The following RHPN1 variants were observed in gnomAD, a reference collection of about 807,000 sequenced individuals.
The protein encoded by RHPN1 is rhophilin-1.
Under a neutral mutation model 74.7 loss-of-function variants are expected in RHPN1, and 77 were observed. The observed-to-expected ratio is 1.03, with a 90% CI of 0.86 to 1.25. RHPN1 has a LOEUF of 1.25. Ranked by LOEUF, RHPN1 falls within the 50% of genes most tolerant of loss-of-function variation. The pLI is 0.00. For synonymous variants in RHPN1, 444 were observed against 414.5 expected, an observed-to-expected ratio of 1.07 and a Z score of -0.87; for missense variants, 987 against 932.2, an observed-to-expected ratio of 1.06 and a Z score of -0.77.
At chr8:143,374,945 TGGATAG>T (rs1249501121) in intron 1 of RHPN1, among the ~76,000 whole-genome samples, 2 of 152,188 alleles carry the variant, frequency 1.3e-5, no homozygotes, top group Non-Finnish European at 2.9e-5. Flanking sequence ...CATTTCTCTG[TGGATAG>T]GGAGGGCACG....
At chr8:143,379,533 A>G (rs1818552077) in intron 8 of RHPN1, 25 bp downstream of exon 8, 1 of 1,525,804 alleles carries the variant, frequency 6.6e-7, no homozygotes, top group South Asian at 1.2e-5. Context: ...CCGTGTCAGG[A>G]TGCAGGGGGT....
chr8:143,366,145 T>C (rs968172091), upstream of RHPN1, among the ~76,000 whole-genome samples: 3 of 143,490 alleles, frequency 2.1e-5, no homozygotes, highest in African/African-American at 7.5e-5. Context: ...TTTTTTTTTC[T>C]TTATAAATTA....
intron 1 of RHPN1, 53 bp from the exon 2 acceptor site, chr8:143,375,500 C>A: frequency 7.6e-7 from 1 of 1,320,846 alleles, no homozygotes; most frequent in Non-Finnish European, 1.0e-6. Context: ...CGAGGCGCAG[C>A]CTGGTGCGGG....
At position 143,379,919 on chromosome 8, in the gene RHPN1, G is replaced by A. The variant is rs1373665466; in HGVS notation, c.1036G>A (p.Val346Ile). Residue 346 changes from valine to isoleucine, a missense_variant, in exon 9 of 15, where the codon GTC becomes ATC. Transcript: ENST00000289013. ...VPVSWTALVH[V>I]KAEYFRSLAH... ...TGTCTCCTGGACTGCCCTGGTGCAT[G>A]TCAAGGCCGAGTACTTCCGCTCCCT... is the stretch of plus-strand genomic sequence containing the variant. 2.5e-6 allele frequency: 4 copies of A among 1,600,090 alleles called. No individual in the cohort carries two copies. Among genetic ancestry groups the A allele is most frequent in the African/African-American group, 1.3e-5 (1 of 74,670 alleles).
Position 143,376,088 on chromosome 8 carries a change from C to T in RHPN1, c.176+420C>T, listed in dbSNP as rs529841092. 2.2e-3 allele frequency among the ~76,000 whole-genome samples: 332 copies of T among 152,304 alleles called. 3 individuals carry two copies. The highest frequency in any genetic ancestry group is 0.021 in the South Asian group (101 of 4,826). ...CACACATGTGCGTGTGAGTGCCCCT[C>T]GGTCCCCTTAGCACCTGCTACCTCC... On this transcript the variant is annotated intron_variant, in intron 2 of 14. Coordinates refer to ENST00000289013, the MANE Select transcript of RHPN1 (RefSeq NM_052924.3).
chr8:143,368,848 G>A (rs1302879986), upstream of RHPN1: 1 of 474,394 alleles, frequency 2.1e-6, no homozygotes. Context: ...CCCCCACTCA[G>A]GAGGGACAGT....
intron 3 of RHPN1, among the ~76,000 whole-genome samples, chr8:143,376,953 T>G (rs1411749812): frequency 6.6e-6 from 1 of 151,272 alleles, no homozygotes; most frequent in South Asian, 2.1e-4. Context: ...TCTGTGCGTG[T>G]GTCTGTGTGC....
intron 1 of RHPN1, 93 bp from the exon 2 acceptor site, chr8:143,375,460 T>C: frequency 3.8e-6 from 3 of 797,506 alleles, no homozygotes; most frequent in Non-Finnish European, 5.8e-6. Context: ...CCGTTACCCA[T>C]GGGCAGGATG....
At chr8:143,368,866 C>T (rs1360783371), upstream of RHPN1, 2 of 596,530 alleles carry the variant, frequency 3.4e-6, no homozygotes, top group Non-Finnish European at 4.9e-6. Context: ...AGTCGGGGAC[C>T]GGCGCGGGCA....
Position 143,380,647 on chromosome 8 carries a change from C to A in RHPN1, c.1275C>A (p.Ala425=). Residue 425 remains alanine (A), a synonymous_variant, in exon 11 of 15, where the codon GCC becomes GCA. Transcript: ENST00000289013. ...LGQEEALRLH[A]LCRVLREVDL... Reference sequence around the variant, plus strand: ...AGGAGGAGGCGCTGCGGCTGCACGCCCTGTGCCGCGTCCTGCGCGAGGTGG... The same window carrying A: ...AGGAGGAGGCGCTGCGGCTGCACGCACTGTGCCGCGTCCTGCGCGAGGTGG... 1 of 1,564,028 alleles carries A rather than the reference C, an allele frequency of 6.4e-7. No individual in the cohort carries two copies. The highest frequency in any genetic ancestry group is 1.9e-5 in the Admixed American group (1 of 53,258).
At position 143,382,915 on chromosome 8, in the gene RHPN1, C is replaced by G. The variant is rs990059866; in HGVS notation, c.*264C>G. 5.6e-6 allele frequency: 3 copies of G among 532,900 alleles called. No individual in the cohort carries two copies. Among genetic ancestry groups the G allele is most frequent in the African/African-American group, 3.8e-5 (2 of 52,640 alleles). 33.0% of individuals were successfully genotyped at this position (532,900 alleles called of 1,614,324 possible). On this transcript the variant is annotated 3_prime_UTR_variant, in exon 15 of 15. Coordinates refer to ENST00000289013, the MANE Select transcript of RHPN1 (RefSeq NM_052924.3). ...TCCTGGGGCTGCCCCACCCTGAGGG[C>G]TCCTTACAGGGTGCTCCTCACAGCC...
intron 1 of RHPN1, 49 bp downstream of exon 1, chr8:143,369,096 CT>C (rs1433481011): frequency 2.9e-6 from 4 of 1,383,480 alleles, no homozygotes; most frequent in Non-Finnish European, 3.8e-6. Context: ...GAATCCCGGC[CT>C]TTTCCTGCCC....
intron 1 of RHPN1, chr8:143,374,020 G>A (rs988597509): frequency 1.6e-6 from 1 of 615,288 alleles, no homozygotes; most frequent in Non-Finnish European, 2.0e-6. Context: ...ATTTTGGGGG[G>A]CTGGACGAGC....
Position 143,376,741 on chromosome 8 carries a change from CTGTG to C in RHPN1, c.305+92_305+95del, listed in dbSNP as rs1054403891. 5.5e-5 allele frequency: 78 copies of C among 1,411,298 alleles called. No individual in the cohort carries two copies. In the East Asian group the frequency reaches 1.1e-3, roughly 19 times the overall value. The allele number at this position is 1,411,298 out of a possible 1,614,324, so 87.4% of individuals were successfully genotyped here. ...CATGTGTGTGCACGCATGTGTGTCT[CTGTG>C]TGTATATGTGTGCATTGTCTGTGTG... On this transcript the variant is annotated intron_variant, in intron 3 of 14. Coordinates refer to ENST00000289013, the MANE Select transcript of RHPN1 (RefSeq NM_052924.3).
upstream of RHPN1, among the ~76,000 whole-genome samples, chr8:143,364,943 T>C (rs1052435586): frequency 6.6e-6 from 1 of 152,288 alleles, no homozygotes; most frequent in East Asian, 1.9e-4. This position sits in a 1 kb window ranked among gnomAD's most constrained non-coding sequence, Gnocchi z 4.5. Context: ...TTCATCACAG[T>C]TGAGCAGCCT....
upstream of RHPN1, among the ~76,000 whole-genome samples, chr8:143,364,614 T>C (rs1171814370): frequency 1.3e-5 from 2 of 151,886 alleles, no homozygotes; most frequent in East Asian, 3.9e-4. This position sits in a 1 kb window ranked among gnomAD's most constrained non-coding sequence, Gnocchi z 4.5. Flanking sequence ...TAACAACTCT[T>C]ATTTTCAAAT....
chr8:143,369,810 G>A (rs1172602897), intron 1 of RHPN1, among the ~76,000 whole-genome samples: 1 of 152,218 alleles, frequency 6.6e-6, no homozygotes, highest in Admixed American at 6.5e-5. Context: ...CTTTGATAGC[G>A]CGCGGCCCTC....
intron 1 of RHPN1, among the ~76,000 whole-genome samples, chr8:143,370,129 G>C (rs1817727381): frequency 6.6e-6 from 1 of 152,214 alleles, no homozygotes; most frequent in Non-Finnish European, 1.5e-5. Context: ...GTTTTGGGTG[G>C]AATGTTTGGG....
intron 13 of RHPN1, 30 bp from the exon 14 acceptor site, chr8:143,381,777 C>T (rs1425875681): frequency 1.2e-6 from 2 of 1,607,212 alleles, no homozygotes; most frequent in Non-Finnish European, 1.7e-6. Flanking sequence ...GGTGTCCTGT[C>T]CCCACCTCAC....
Sources: gnomAD v4.1 joint callset for allele counts (sites outside exome capture counted in the v4.1 genomes callset) on GRCh38, gnomAD v4.1.1 for gene constraint, Gnocchi (gnomAD v3.1) non-coding constraint, MANE v1.5 for transcripts, NCBI Gene and HGNC (gene_info 2026-07-23, HGNC 2026-07-21) for gene names.